The following TIAM1 variants were observed in gnomAD, a reference collection of about 807,000 sequenced individuals.
TIAM1 encodes TIAM Rac1 associated GEF 1, also known as rho guanine nucleotide exchange factor TIAM1.
A neutral mutation model predicts 163.5 loss-of-function variants in TIAM1; 65 were observed. The observed-to-expected ratio is 0.40, with a 90% CI of 0.33 to 0.49. The LOEUF (loss-of-function observed/expected upper bound fraction) is 0.49, where lower values mean the gene tolerates loss of function less well. Ranked by LOEUF, TIAM1 falls within the 20% of genes least tolerant of loss-of-function variation. TIAM1 has a pLI of 0.77. For missense variants in TIAM1, 1,789 were observed against 2,044.7 expected (o/e 0.87, Z 2.41); for synonymous variants, 833 against 810.1 (o/e 1.03, Z -0.48).
intron 2 of TIAM1, among the ~76,000 whole-genome samples, chr21:31,354,130 C>A (rs1292497412): frequency 6.6e-6 from 1 of 152,036 alleles, no homozygotes; most frequent in Non-Finnish European, 1.5e-5. Context: ...AGCCACCATG[C>A]CCGGCCTTAT....
Position 31,341,383 on chromosome 21 carries a change from G to A in TIAM1, c.-368-1961C>T, listed in dbSNP as rs559216502. ...TCCAGCATCCTTTCTGATATACTTA[G>A]AAAGAATCTGTTCTGAGAAAACTTT... On this transcript the variant is annotated intron_variant, in intron 1 of 27. Coordinates refer to ENST00000541036, the MANE Select transcript of TIAM1 (RefSeq NM_001353694.2). Among the ~76,000 whole-genome samples, 3 of 152,302 alleles carry A rather than the reference G, an allele frequency of 2.0e-5. No homozygotes were observed. The South Asian group carries it at 6.2e-4, about 32-fold the overall frequency.
intron 6 of TIAM1, among the ~76,000 whole-genome samples, chr21:31,237,275 G>A (rs940411200): frequency 4.6e-5 from 7 of 152,140 alleles, no homozygotes; most frequent in Non-Finnish European, 1.0e-4. Context: ...CCTTATGAAA[G>A]ATGATTTACA....
chr21:31,258,600 G>A (rs756415011), intron 4 of TIAM1, among the ~76,000 whole-genome samples: 1 of 152,186 alleles, frequency 6.6e-6, no homozygotes, highest in Non-Finnish European at 1.5e-5. Context: ...GGGAGGCCAA[G>A]GCGGGTGGAT....
chr21:31,205,831 G>A (rs1347225130), intron 11 of TIAM1, among the ~76,000 whole-genome samples: 2 of 152,064 alleles, frequency 1.3e-5, no homozygotes, highest in African/African-American at 4.8e-5. Context: ...ACGCATGGTG[G>A]GGTGAGCCTG....
Position 31,228,240 on chromosome 21 carries a change from A to T in TIAM1, c.1585-2290T>A, listed in dbSNP as rs1569068822. 5.1e-3 allele frequency among the ~76,000 whole-genome samples: 240 copies of T among 46,880 alleles called. 3 individuals are homozygous for T. Among genetic ancestry groups the T allele is most frequent in the Non-Finnish European group, 6.0e-3 (102 of 16,986 alleles). The allele number at this position is 46,880 out of a possible 152,430, so 30.8% of individuals were successfully genotyped here. On this transcript the variant is annotated intron_variant, in intron 6 of 27. Transcript: ENST00000541036. ...TTTTTTAAAAAAAAAAAAAAAAAAA[A>T]AAAAAAAAAAAAAAAAAAAGGAAGG...
intron 1 of TIAM1, among the ~76,000 whole-genome samples, chr21:31,543,820 T>G (rs1390648422): frequency 6.6e-6 from 1 of 152,156 alleles, no homozygotes; most frequent in Non-Finnish European, 1.5e-5. Context: ...CACCGAAAGT[T>G]TAAAACACAG....
At chr21:31,254,462 A>G (rs1168016440) in intron 4 of TIAM1, among the ~76,000 whole-genome samples, 2 of 152,156 alleles carry the variant, frequency 1.3e-5, no homozygotes, top group East Asian at 3.9e-4. Flanking sequence ...GGGAGGCTGA[A>G]GCGGGTGGAT....
intron 2 of TIAM1, among the ~76,000 whole-genome samples, chr21:31,403,446 C>T (rs2077199058): frequency 6.6e-6 from 1 of 152,224 alleles, no homozygotes; most frequent in Middle Eastern, 3.4e-3. Flanking sequence ...TGCTCCCGGC[C>T]GATGACATAC....
chr21:31,498,838 T>C (rs1238025767), intron 1 of TIAM1, among the ~76,000 whole-genome samples: 2 of 151,820 alleles, frequency 1.3e-5, no homozygotes, highest in Non-Finnish European at 2.9e-5. Flanking sequence ...CCCAGCTACT[T>C]GGGAGGCTGA....
At chr21:31,155,657 A>T (rs962537041) in intron 16 of TIAM1, among the ~76,000 whole-genome samples, 1 of 152,062 alleles carries the variant, frequency 6.6e-6, no homozygotes, top group Non-Finnish European at 1.5e-5. Context: ...GGCGCCCGCC[A>T]CCACGCCCGG....
intron 15 of TIAM1, among the ~76,000 whole-genome samples, chr21:31,174,996 G>A (rs1053715681): frequency 2.0e-5 from 3 of 152,166 alleles, no homozygotes; most frequent in African/African-American, 4.8e-5. Flanking sequence ...CAGGCTGTGT[G>A]TAGTGGTATG....
intron 2 of TIAM1, among the ~76,000 whole-genome samples, chr21:31,370,406 G>GAA (rs2076576590): frequency 1.3e-5 from 2 of 152,136 alleles, no homozygotes; most frequent in Admixed American, 6.5e-5. Context: ...ATCTTTAGCA[G>GAA]TATATACAGA....
intron 1 of TIAM1, among the ~76,000 whole-genome samples, chr21:31,501,241 C>T (rs1319417950): frequency 6.6e-6 from 1 of 152,076 alleles, no homozygotes; most frequent in Non-Finnish European, 1.5e-5. Flanking sequence ...TGGTTCACAC[C>T]CCACGTACAT....
intron 1 of TIAM1, among the ~76,000 whole-genome samples, chr21:31,498,334 G>T (rs1016506443): frequency 8.5e-5 from 13 of 152,208 alleles, no homozygotes; most frequent in Non-Finnish European, 1.8e-4. Flanking sequence ...CAAGCTCTCA[G>T]ACAACCATAG....
chr21:31,485,679 G>T (rs1448897070), intron 1 of TIAM1, among the ~76,000 whole-genome samples: 1 of 152,106 alleles, frequency 6.6e-6, no homozygotes, highest in East Asian at 1.9e-4. Flanking sequence ...TGAAGGGAGG[G>T]GCTTGTACGG....
intron 2 of TIAM1, among the ~76,000 whole-genome samples, chr21:31,413,436 A>AT (rs1219911707): frequency 6.6e-6 from 1 of 151,182 alleles, no homozygotes; most frequent in African/African-American, 2.4e-5. Flanking sequence ...TGCCCGGCTA[A>AT]TTTTTTTGTA....
At chr21:31,344,806 A>C (rs1224937395), upstream of TIAM1, among the ~76,000 whole-genome samples, 1 of 152,276 alleles carries the variant, frequency 6.6e-6, no homozygotes, top group African/African-American at 2.4e-5. Context: ...CCCACCATGT[A>C]GCATAAAAAA....
At chr21:31,511,231 A>ACTTTGTTAGGG (rs2147471549) in intron 1 of TIAM1, among the ~76,000 whole-genome samples, 2 of 152,298 alleles carry the variant, frequency 1.3e-5, no homozygotes, top group Admixed American at 1.3e-4. Context: ...ACCCTAGGAC[A>ACTTTGTTAGGG]CTCAGCCCTA....
At chr21:31,371,163 G>T (rs2076590822) in intron 2 of TIAM1, among the ~76,000 whole-genome samples, 1 of 152,212 alleles carries the variant, frequency 6.6e-6, no homozygotes, top group South Asian at 2.1e-4. Flanking sequence ...ACACAAAGCG[G>T]TGATTCAAAA....
Sources: allele counts gnomAD v4.1 joint callset (sites outside exome capture counted in the v4.1 genomes callset), GRCh38; gene constraint gnomAD v4.1.1; transcripts MANE v1.5; gene names NCBI Gene and HGNC (gene_info 2026-07-23, HGNC 2026-07-21).